The following VPS8 variants were observed in gnomAD, a reference collection of about 807,000 sequenced individuals.
The protein encoded by VPS8 is VPS8 subunit of CORVET complex.
Under a neutral mutation model 216.4 loss-of-function variants are expected in VPS8, and 129 were observed. That is an observed-to-expected ratio of 0.60 (90% confidence interval 0.52 to 0.69). The LOEUF (loss-of-function observed/expected upper bound fraction) is 0.69, where lower values mean the gene tolerates loss of function less well. VPS8 is among the 30% of genes least tolerant of loss of function. The pLI is 0.00. For missense variants in VPS8, 1,531 were observed against 1,683.5 expected (o/e 0.91, Z 1.59); for synonymous variants, 571 against 565.4 (o/e 1.01, Z -0.14).
intron 34 of VPS8, among the ~76,000 whole-genome samples, chr3:184,932,105 G>A (rs1346065430): frequency 6.6e-6 from 1 of 152,104 alleles, no homozygotes; most frequent in Non-Finnish European, 1.5e-5. Flanking sequence ...AGGCCACAAT[G>A]ACAGGTGTAT....
chr3:184,922,061 A>G (rs1738733133), intron 29 of VPS8, among the ~76,000 whole-genome samples: 1 of 152,080 alleles, frequency 6.6e-6, no homozygotes. Flanking sequence ...AGGACCCTCA[A>G]CCATATTAAA....
At chr3:184,822,333 G>A (rs930583861) in intron 1 of VPS8, among the ~76,000 whole-genome samples, 16 of 152,132 alleles carry the variant, frequency 1.1e-4, no homozygotes, top group Admixed American at 5.2e-4. Flanking sequence ...GGGTAGCTTG[G>A]TGGGATGATG....
Position 184,824,717 on chromosome 3 carries a change from C to G in VPS8, c.85C>G (p.Leu29Val). The change falls in exon 2 of 48, where the codon CTA becomes GTA. Residue 29 changes from leucine to valine, a missense_variant. Physicochemically the swap from Leu to Val is conservative, Grantham distance 32. Around this residue, in one of 3 missense-constraint regions of VPS8, gnomAD observed 199 missense variants for 182.2 expected, o/e 1.09. Coordinates refer to ENST00000625842, the MANE Select transcript of VPS8 (RefSeq NM_001009921.3). Reference sequence around the variant, plus strand: ...AGAAGAGCTGAATAAGTCTTTCAATCTAGAAGCTTCACTTTCAAAATTCTC... The same window carrying G: ...AGAAGAGCTGAATAAGTCTTTCAATGTAGAAGCTTCACTTTCAAAATTCTC... ...SEEELNKSFNLEASLSKFSYI... is the reference protein window; with the variant it reads ...SEEELNKSFNVEASLSKFSYI... 2.5e-6 allele frequency: 4 copies of G among 1,613,760 alleles called. No homozygotes were observed. Among genetic ancestry groups the G allele is most frequent in the Non-Finnish European group, 3.4e-6 (4 of 1,179,780 alleles).
intron 45 of VPS8, among the ~76,000 whole-genome samples, chr3:185,014,461 T>C (rs1320752234): frequency 6.6e-6 from 1 of 152,180 alleles, no homozygotes; most frequent in Non-Finnish European, 1.5e-5. Flanking sequence ...GTTGATTCGG[T>C]CCTGGAGAAA....
chr3:184,962,357 A>C (rs553298980), intron 37 of VPS8, among the ~76,000 whole-genome samples: 3 of 152,186 alleles, frequency 2.0e-5, no homozygotes, highest in Non-Finnish European at 4.4e-5. Context: ...GATTGTTTCT[A>C]TTCTCATCAG....
intron 44 of VPS8, among the ~76,000 whole-genome samples, chr3:184,998,479 T>TTATATATATATA (rs10530534): frequency 2.2e-5 from 3 of 135,022 alleles, no homozygotes; most frequent in African/African-American, 6.0e-5. Flanking sequence ...AAGAGGAAGT[T>TTATATATATATA]TATATATATA....
chr3:185,048,344 A>T, intron 46 of VPS8, 135 bp from the exon 47 acceptor site: 1 of 821,244 alleles, frequency 1.2e-6, no homozygotes, highest in Non-Finnish European at 2.0e-6. Context: ...TATATATCTC[A>T]CTAATAGCTG....
At chr3:184,830,131 T>G (rs1247996006) in intron 3 of VPS8, among the ~76,000 whole-genome samples, 1 of 152,192 alleles carries the variant, frequency 6.6e-6, no homozygotes, top group Non-Finnish European at 1.5e-5. Context: ...TTGTTGTTCC[T>G]TTCATATGTA....
intron 16 of VPS8, among the ~76,000 whole-genome samples, chr3:184,865,923 G>T (rs1727262211): frequency 6.6e-6 from 1 of 151,982 alleles, no homozygotes; most frequent in Admixed American, 6.6e-5. Flanking sequence ...AGGAGGCAGA[G>T]GTTGCAGTGA....
At position 185,052,224 on chromosome 3, in the gene VPS8, G is replaced by A. The variant is rs1049694487; in HGVS notation, c.*199G>A. On this transcript the variant is annotated 3_prime_UTR_variant, in exon 48 of 48. Coordinates refer to ENST00000625842, the MANE Select transcript of VPS8 (RefSeq NM_001009921.3). ...GTCTTCTCCACATTGCTGTCATGGC[G>A]TCAGTTCACCAGACTCATTGATTTT... is the stretch of plus-strand genomic sequence containing the variant. The A allele has an allele frequency of 4.0e-5, 21 of 520,944 alleles. No homozygotes were observed. Among genetic ancestry groups the A allele is most frequent in the African/African-American group, 9.9e-5 (5 of 50,466 alleles). 32.3% of individuals were successfully genotyped at this position (520,944 alleles called of 1,614,324 possible).
intron 40 of VPS8, among the ~76,000 whole-genome samples, chr3:184,981,327 C>T (rs545179084): frequency 6.6e-6 from 1 of 152,076 alleles, no homozygotes; most frequent in South Asian, 2.1e-4. Flanking sequence ...ATGACAGGTG[C>T]ACATGCTTGT....
intron 24 of VPS8, among the ~76,000 whole-genome samples, chr3:184,899,453 G>A (rs1734090708): frequency 6.6e-6 from 1 of 152,190 alleles, no homozygotes; most frequent in South Asian, 2.1e-4. Flanking sequence ...CATTCAGTTT[G>A]GTAGGGCGAG....
intron 3 of VPS8, among the ~76,000 whole-genome samples, chr3:184,830,597 T>C (rs1208022523): frequency 1.3e-5 from 2 of 152,188 alleles, no homozygotes; most frequent in African/African-American, 2.4e-5. Context: ...TTCACTTCTT[T>C]TTTTCCCTTC....
At chr3:184,897,063 C>T (rs1412311113) in intron 23 of VPS8, among the ~76,000 whole-genome samples, 3 of 152,162 alleles carry the variant, frequency 2.0e-5, no homozygotes, top group Non-Finnish European at 4.4e-5. Context: ...AGAGGTAGAT[C>T]TTGCAGGGCA....
intron 16 of VPS8, among the ~76,000 whole-genome samples, chr3:184,864,686 A>G (rs1057364858): frequency 9.2e-5 from 14 of 152,228 alleles, no homozygotes; most frequent in Admixed American, 1.3e-4. Flanking sequence ...ACACATCTTA[A>G]AAGTAAGACC....
intron 1 of VPS8, 82 bp downstream of exon 1, chr3:184,812,307 A>C (rs1280300474): frequency 6.6e-6 from 1 of 152,276 alleles, no homozygotes; most frequent in Admixed American, 6.5e-5. Context: ...AGCGCGCGAC[A>C]GGTCTCTGAG....
chr3:184,856,811 G>GATT (rs146997861), intron 14 of VPS8, among the ~76,000 whole-genome samples: 1 of 152,152 alleles, frequency 6.6e-6, no homozygotes, highest in East Asian at 1.9e-4. Context: ...CTGAGCTCAT[G>GATT]ATTAACATGA....
intron 22 of VPS8, chr3:184,893,445 T>A (rs944804956): frequency 2.3e-6 from 2 of 880,332 alleles, no homozygotes; most frequent in Non-Finnish European, 2.8e-6. Context: ...TTGTATTTTT[T>A]AAAAAACAGA....
rs777921147 is a variant in VPS8 at position 184,939,268 on chromosome 3, C to T, written c.2989-929C>T. On this transcript the variant is annotated intron_variant, in intron 35 of 47. Coordinates refer to ENST00000625842, the MANE Select transcript of VPS8 (RefSeq NM_001009921.3). The stretch of plus-strand genomic sequence containing the variant: ...CTGAGAAGAAAGTCATGTAAAATAA[C>T]ACAAAGTGATAGTGAAAAAATAGAA... Among the ~76,000 whole-genome samples the T allele has an allele frequency of 1.4e-3, 207 of 151,912 alleles. 1 individual carries two copies. Among genetic ancestry groups the T allele is most frequent in the Non-Finnish European group, 2.3e-3 (159 of 67,926 alleles).
Sources: allele counts gnomAD v4.1 joint callset (sites outside exome capture counted in the v4.1 genomes callset), GRCh38; gene constraint gnomAD v4.1.1; regional missense constraint gnomAD v4.1.1; transcripts MANE v1.5; gene names NCBI Gene and HGNC (gene_info 2026-07-23, HGNC 2026-07-21).